The following KCNH7 variants were observed in gnomAD, a reference collection of about 807,000 sequenced individuals.
KCNH7 encodes the protein voltage-gated inwardly rectifying potassium channel KCNH7.
KCNH7 carries 49 observed loss-of-function variants against 120.8 expected under a neutral mutation model. The ratio of observed to expected loss-of-function variants is 0.41; its 90% CI spans 0.32 to 0.51. The LOEUF is 0.51. KCNH7 is among the 20% of genes least tolerant of loss of function. KCNH7 has a pLI of 0.38. For missense variants in KCNH7, 1,097 were observed against 1,446.6 expected (o/e 0.76, Z 3.92); for synonymous variants, 547 against 516.1 (o/e 1.06, Z -0.81).
chr2:162,660,294 T>G (rs527569167), intron 2 of KCNH7, among the ~76,000 whole-genome samples: 7 of 152,186 alleles, frequency 4.6e-5, no homozygotes, highest in Non-Finnish European at 8.8e-5. Context: ...CTGCATTCTC[T>G]GCATCCCACA....
At position 162,752,902 on chromosome 2, in the gene KCNH7, G is replaced by GAAAAAAGAAAGAAAAGAAAAGAAAAGAAA. The variant is rs140501872; in HGVS notation, c.307+83634_307+83635insTTTCTTTTCTTTTCTTTTCTTTCTTTTTT. On this transcript the variant is annotated intron_variant, in intron 2 of 15. Transcript: ENST00000332142. ...GGCAAAAGAGCAAGACTACATCTCAGAAAAAGAAAAGAAAAGAAAAGAAAA... is the reference window on the plus strand; with the variant it reads ...GGCAAAAGAGCAAGACTACATCTCAGAAAAAAGAAAGAAAAGAAAAGAAAAGAAAAAAAAGAAAAGAAAAGAAAAGAAAA... Among the ~76,000 whole-genome samples the GAAAAAAGAAAGAAAAGAAAAGAAAAGAAA allele has an allele frequency of 9.8e-5, 6 of 61,218 alleles. 1 individual carries two copies. The highest frequency in any genetic ancestry group is 1.6e-4 in the Non-Finnish European group (6 of 36,522). The allele number at this position is 61,218 out of a possible 152,430, so 40.2% of individuals were successfully genotyped here. A position where few individuals can be genotyped will look rare whatever the true frequency, so the allele number is the denominator to read the frequency against.
intron 14 of KCNH7, among the ~76,000 whole-genome samples, chr2:162,376,266 C>T (rs1362048810): frequency 6.6e-6 from 1 of 152,068 alleles, no homozygotes; most frequent in Non-Finnish European, 1.5e-5. Context: ...GTGCTCAATG[C>T]CATACTAGAG....
intron 2 of KCNH7, among the ~76,000 whole-genome samples, chr2:162,792,241 T>C (rs1683974314): frequency 6.6e-6 from 1 of 152,020 alleles, no homozygotes; most frequent in South Asian, 2.1e-4. Context: ...TGGCCTGAAG[T>C]TTTCTTTTTT....
At chr2:162,642,087 A>G (rs1302557825) in intron 2 of KCNH7, among the ~76,000 whole-genome samples, 1 of 152,172 alleles carries the variant, frequency 6.6e-6, no homozygotes, top group Non-Finnish European at 1.5e-5. Flanking sequence ...AAATTCCAAT[A>G]GATAAGTATA....
intron 7 of KCNH7, among the ~76,000 whole-genome samples, chr2:162,436,761 A>G (rs1688253417): frequency 6.6e-6 from 1 of 152,238 alleles, no homozygotes; most frequent in African/African-American, 2.4e-5. Flanking sequence ...ACCACACCCT[A>G]TGTATTAATA....
Position 162,400,317 on chromosome 2 carries a change from T to C in KCNH7, c.2279A>G (p.Lys760Arg), listed in dbSNP as rs1331794076. The C allele has an allele frequency of 6.2e-7, 1 of 1,612,568 alleles. No homozygotes were observed. Among genetic ancestry groups the C allele is most frequent in the Admixed American group, 1.7e-5 (1 of 59,834 alleles). The change falls in exon 10 of 16, where the codon AAG becomes AGG. Residue 760 changes from lysine to arginine, a missense_variant. By Grantham distance (26) the Lys-to-Arg change is conservative. Transcript: ENST00000332142. Reference protein sequence around the residue: ...SKGCLRALAMKFKTTHAPPGD... With the variant: ...SKGCLRALAMRFKTTHAPPGD... ...TGGAGGTGCATGGGTGGTTTTGAAC[T>C]TCATTGCCAAAGCTCTAAGGCAACC... is the stretch of plus-strand genomic sequence containing the variant.
At chr2:162,545,411 C>T (rs1017140380) in intron 2 of KCNH7, among the ~76,000 whole-genome samples, 1 of 152,150 alleles carries the variant, frequency 6.6e-6, no homozygotes, top group African/African-American at 2.4e-5. Flanking sequence ...ATTTCAAAGA[C>T]ACCCTTCTGA....
At chr2:162,612,091 C>T (rs193216178) in intron 2 of KCNH7, among the ~76,000 whole-genome samples, 8 of 152,212 alleles carry the variant, frequency 5.3e-5, no homozygotes, top group Non-Finnish European at 1.2e-4. Flanking sequence ...GACCTAGAAA[C>T]ATCAGACACA....
chr2:162,800,170 C>T (rs1273013025), intron 2 of KCNH7, among the ~76,000 whole-genome samples: 2 of 151,660 alleles, frequency 1.3e-5, no homozygotes, highest in African/African-American at 4.8e-5. Context: ...GGTGAAGGAA[C>T]TTAAACCCGG....
intron 2 of KCNH7, among the ~76,000 whole-genome samples, chr2:162,764,040 G>A (rs906421886): frequency 1.3e-5 from 2 of 151,904 alleles, no homozygotes; most frequent in Non-Finnish European, 2.9e-5. Context: ...TGTTTATAAA[G>A]TTCCTCTTTA....
chr2:162,415,475 A>G (rs937550002), intron 9 of KCNH7, among the ~76,000 whole-genome samples: 3 of 152,184 alleles, frequency 2.0e-5, no homozygotes, highest in African/African-American at 7.2e-5. Context: ...TCTGTAAGTG[A>G]AAAGATATAA....
chr2:162,800,402 T>A (rs7425339), intron 2 of KCNH7, among the ~76,000 whole-genome samples: 83,436 of 151,074 alleles, frequency 0.55, 26,308 homozygotes, highest in Non-Finnish European at 0.72. Context: ...ACAACGGCAG[T>A]ATTTTTACAT....
chr2:162,604,493 T>C (rs537964561), intron 2 of KCNH7, among the ~76,000 whole-genome samples: 1 of 152,214 alleles, frequency 6.6e-6, no homozygotes, highest in South Asian at 2.1e-4. Context: ...ATCCATTTCT[T>C]AAGCTCTGAT....
chr2:162,781,346 T>C (rs1356337191), intron 2 of KCNH7, among the ~76,000 whole-genome samples: 1 of 152,110 alleles, frequency 6.6e-6, no homozygotes, highest in Non-Finnish European at 1.5e-5. Context: ...AATGTCAGGC[T>C]GCAGTAAGCA....
At chr2:162,558,529 G>T (rs577135381) in intron 2 of KCNH7, among the ~76,000 whole-genome samples, 38 of 99,508 alleles carry the variant, frequency 3.8e-4, no homozygotes, top group Non-Finnish European at 5.5e-4. Context: ...TTTTTTTGCC[G>T]AAACTGTTTT....
intron 2 of KCNH7, among the ~76,000 whole-genome samples, chr2:162,631,567 A>G (rs1453681634): frequency 6.6e-6 from 1 of 151,942 alleles, no homozygotes; most frequent in East Asian, 1.9e-4. Context: ...AATTACAGAA[A>G]AATCTGTGAA....
At chr2:162,745,382 CT>C (rs551448695) in intron 2 of KCNH7, among the ~76,000 whole-genome samples, 2 of 150,738 alleles carry the variant, frequency 1.3e-5, no homozygotes, top group East Asian at 1.9e-4. Context: ...TACCTGAAGG[CT>C]TTTTTTTTAA....
chr2:162,584,732 AT>A (rs1366020717), intron 2 of KCNH7, among the ~76,000 whole-genome samples: 10 of 152,134 alleles, frequency 6.6e-5, no homozygotes, highest in African/African-American at 2.2e-4. Context: ...CTGTTGCAAG[AT>A]TATGCTTTTC....
chr2:162,537,380 T>C (rs1692145638), intron 2 of KCNH7, among the ~76,000 whole-genome samples: 2 of 152,040 alleles, frequency 1.3e-5, no homozygotes, highest in Non-Finnish European at 2.9e-5. Context: ...TAAAAAGATA[T>C]ATTCTTTAAC....
Sources: allele counts gnomAD v4.1 joint callset (sites outside exome capture counted in the v4.1 genomes callset), GRCh38; gene constraint gnomAD v4.1.1; transcripts MANE v1.5; gene names NCBI Gene and HGNC (gene_info 2026-07-23, HGNC 2026-07-21).